The following SLC22A23 variants were observed in gnomAD, a reference collection of about 807,000 sequenced individuals.
The protein encoded by SLC22A23 is solute carrier family 22 member 23, also known as ion transporter protein.
In SLC22A23, 26 loss-of-function variants were observed where a neutral mutation model predicts 61.0. The ratio of observed to expected loss-of-function variants is 0.43; its 90% CI spans 0.31 to 0.59. The LOEUF (loss-of-function observed/expected upper bound fraction) is 0.59. SLC22A23 is among the 20% of genes least tolerant of loss of function. The pLI, the probability that SLC22A23 is intolerant of heterozygous loss-of-function variation, is 0.11. For synonymous variants in SLC22A23, 430 were observed against 413.9 expected, an observed-to-expected ratio of 1.04 and a Z score of -0.47; for missense variants, 796 against 934.7, an observed-to-expected ratio of 0.85 and a Z score of 1.94.
intron 3 of SLC22A23, among the ~76,000 whole-genome samples, chr6:3,391,848 C>T (rs1169868480): frequency 2.6e-5 from 4 of 151,810 alleles, no homozygotes; most frequent in Admixed American, 6.6e-5. Flanking sequence ...GTGACAAGAC[C>T]GGACCAGGCC....
At chr6:3,405,685 A>C (rs377580800) in intron 3 of SLC22A23, among the ~76,000 whole-genome samples, 1 of 151,860 alleles carries the variant, frequency 6.6e-6, no homozygotes, top group South Asian at 2.1e-4. Flanking sequence ...GACTGAAATA[A>C]GTTGCAAGGA....
At chr6:3,434,334 A>C (rs1289800750) in intron 1 of SLC22A23, among the ~76,000 whole-genome samples, 1 of 150,838 alleles carries the variant, frequency 6.6e-6, no homozygotes, top group East Asian at 2.0e-4. Flanking sequence ...ATAAATAAAG[A>C]GCTGGGTGCG....
intron 1 of SLC22A23, among the ~76,000 whole-genome samples, chr6:3,424,286 C>T (rs1770335724): frequency 6.6e-6 from 1 of 152,198 alleles, no homozygotes. Context: ...ACAACACCCT[C>T]ATTCTCCCAC....
At chr6:3,283,526 C>G in intron 9 of SLC22A23, 1 of 355,932 alleles carries the variant, frequency 2.8e-6, no homozygotes, top group Non-Finnish European at 5.5e-6. Flanking sequence ...AGCACAGGTT[C>G]TGGTGGAAGT....
chr6:3,441,448 C>T (rs939574985), intron 1 of SLC22A23, among the ~76,000 whole-genome samples: 2 of 152,162 alleles, frequency 1.3e-5, no homozygotes, highest in Non-Finnish European at 2.9e-5. Context: ...CCCATGCCCT[C>T]CTCTAGGCCA....
At chr6:3,449,336 G>A (rs544789022) in intron 1 of SLC22A23, among the ~76,000 whole-genome samples, 8 of 152,166 alleles carry the variant, frequency 5.3e-5, no homozygotes, top group African/African-American at 7.2e-5. Context: ...CAAACCATAC[G>A]TTTCTACATA....
At chr6:3,405,636 T>A (rs1768774358) in intron 3 of SLC22A23, among the ~76,000 whole-genome samples, 1 of 151,786 alleles carries the variant, frequency 6.6e-6, no homozygotes, top group Admixed American at 6.6e-5. Context: ...TTTTTTTTTT[T>A]ACATATATAG....
intron 1 of SLC22A23, among the ~76,000 whole-genome samples, chr6:3,446,253 AAGG>A (rs1771890936): frequency 6.6e-6 from 1 of 152,228 alleles, no homozygotes; most frequent in Non-Finnish European, 1.5e-5. Flanking sequence ...GGCAGAGGAT[AAGG>A]AGAACTGAAT....
chr6:3,301,664 T>G (rs909395401), intron 4 of SLC22A23, among the ~76,000 whole-genome samples: 6 of 152,330 alleles, frequency 3.9e-5, no homozygotes, highest in African/African-American at 1.4e-4. Context: ...TAGGGCCACG[T>G]ACCCCAAGGG....
chr6:3,455,586 T>A (rs545827066), intron 1 of SLC22A23, among the ~76,000 whole-genome samples: 1 of 152,174 alleles, frequency 6.6e-6, no homozygotes, highest in Non-Finnish European at 1.5e-5. Flanking sequence ...CCAGCAGACC[T>A]TGAACGACGC....
Position 3,360,482 on chromosome 6 carries a change from T to C in SLC22A23, c.914-36480A>G, listed in dbSNP as rs1188300266. On this transcript the variant is annotated intron_variant, in intron 3 of 9. Transcript: ENST00000406686. This position sits in a 1 kb window ranked among gnomAD's most constrained non-coding sequence, Gnocchi z 4.6. ...ACTGCATTGCCATTCTTGGGGGCAT[T>C]TGTCTCATCTGCCTTAAAATACAGA... Among the ~76,000 whole-genome samples the C allele has an allele frequency of 6.6e-6, 1 of 152,152 alleles. No homozygotes were observed. Among genetic ancestry groups the C allele is most frequent in the East Asian group, 1.9e-4 (1 of 5,190 alleles).
intron 1 of SLC22A23, among the ~76,000 whole-genome samples, chr6:3,436,413 G>A (rs1453122440): frequency 1.3e-5 from 2 of 152,192 alleles, no homozygotes; most frequent in Non-Finnish European, 2.9e-5. Context: ...TGGGATTACA[G>A]GCGTAAGCCA....
At position 3,289,832 on chromosome 6, in the gene SLC22A23, C is replaced by T. The variant is rs777859676; in HGVS notation, c.1245G>A (p.Lys415=). The change falls in exon 6 of 10, where the codon AAG becomes AAA. Residue 415 remains lysine (K), a synonymous_variant. Coordinates refer to ENST00000406686, the MANE Select transcript of SLC22A23 (RefSeq NM_015482.2). ...TCCCCACCACCTTCACGATGCAGACCTTCTTGGGCCTCCGGGAAAGCTCTT... is the reference window on the plus strand; with the variant it reads ...TCCCCACCACCTTCACGATGCAGACTTTCTTGGGCCTCCGGGAAAGCTCTT... ...LEKELSRRPK[K]VCIVKVVGTR... 4 of 1,614,026 alleles carry T rather than the reference C, an allele frequency of 2.5e-6. No individual in the cohort carries two copies. The highest frequency in any genetic ancestry group is 3.4e-6 in the Non-Finnish European group (4 of 1,180,032).
Position 3,283,915 on chromosome 6 carries a change from G to A in SLC22A23, c.1640C>T (p.Ala547Val). Reference protein sequence around the residue: ...SIAFSIVGMFASHAVGSLSVF... With the variant: ...SIAFSIVGMFVSHAVGSLSVF... ...GCTGAGGCTCCCCACCGCATGGGAG[G>A]CAAACATGCCCACGATGGAAAACGC... The change falls in exon 9 of 10, where the codon GCC becomes GTC. Residue 547 changes from alanine to valine, a missense_variant. Ala to Val is a moderately conservative substitution (Grantham distance 64, BLOSUM62 0). Transcript: ENST00000406686. 1 of 1,611,510 alleles carries A rather than the reference G, an allele frequency of 6.2e-7. No homozygotes were observed. Among genetic ancestry groups the A allele is most frequent in the Non-Finnish European group, 8.5e-7 (1 of 1,177,828 alleles).
At chr6:3,338,416 G>T (rs998720129) in intron 3 of SLC22A23, among the ~76,000 whole-genome samples, 1 of 152,216 alleles carries the variant, frequency 6.6e-6, no homozygotes, top group Non-Finnish European at 1.5e-5. Context: ...TGCAACCTCC[G>T]CCTCCCGGGT....
Position 3,427,497 on chromosome 6 carries a change from C to T in SLC22A23, c.655-11642G>A, listed in dbSNP as rs989014434. On this transcript the variant is annotated intron_variant, in intron 1 of 9. Coordinates refer to ENST00000406686, the MANE Select transcript of SLC22A23 (RefSeq NM_015482.2). This position sits in a 1 kb window ranked among gnomAD's most constrained non-coding sequence, Gnocchi z 4.3. ...GCACCAGATTAGAAAGTGGGCCAGA[C>T]GAGGATGGAAGACGCCCTCCAGGGA... 1.3e-5 allele frequency among the ~76,000 whole-genome samples: 2 copies of T among 152,166 alleles called. No homozygotes were observed. Among genetic ancestry groups the T allele is most frequent in the South Asian group, 4.2e-4 (2 of 4,814 alleles).
In SLC22A23 at chr6:3,327,269, A is replaced by G. The variant is rs1190588315; in HGVS notation, c.914-3267T>C. 4.6e-5 allele frequency among the ~76,000 whole-genome samples: 7 copies of G among 152,246 alleles called. No individual in the cohort carries two copies. Among genetic ancestry groups the G allele is most frequent in the Non-Finnish European group, 1.0e-4 (7 of 68,030 alleles). Reference sequence around the variant, plus strand: ...AGGGCCTGGCTACTGTGGAGAGTAGATCACTCACAGGCAGGTGTCCACAGT... The same window carrying G: ...AGGGCCTGGCTACTGTGGAGAGTAGGTCACTCACAGGCAGGTGTCCACAGT... On this transcript the variant is annotated intron_variant, in intron 3 of 9. Transcript: ENST00000406686. This position sits in a 1 kb window ranked among gnomAD's most constrained non-coding sequence, Gnocchi z 4.1.
At chr6:3,417,519 T>A (rs1328689) in intron 1 of SLC22A23, among the ~76,000 whole-genome samples, 81,775 of 152,010 alleles carry the variant, frequency 0.54, 22,248 homozygotes, top group South Asian at 0.74. Context: ...CAGGGTTAAC[T>A]TCCTTCCATG....
At chr6:3,385,027 T>C (rs1767199544) in intron 3 of SLC22A23, among the ~76,000 whole-genome samples, 1 of 152,096 alleles carries the variant, frequency 6.6e-6, no homozygotes, top group Non-Finnish European at 1.5e-5. Context: ...GAGGCACTAG[T>C]GTAGTGAAAT....
Sources: gnomAD v4.1 joint callset for allele counts (sites outside exome capture counted in the v4.1 genomes callset) on GRCh38, gnomAD v4.1.1 for gene constraint, Gnocchi (gnomAD v3.1) non-coding constraint, MANE v1.5 for transcripts, NCBI Gene and HGNC (gene_info 2026-07-23, HGNC 2026-07-21) for gene names.